PID1: variants seen among roughly 807,000 people sequenced by gnomAD.
PID1 encodes the protein PTB-containing, cubilin and LRP1-interacting protein.
Under a neutral mutation model 19.1 loss-of-function variants are expected in PID1, and 10 were observed. That is an observed-to-expected ratio of 0.52 (90% CI 0.32 to 0.89). The LOEUF (loss-of-function observed/expected upper bound fraction) is 0.89. PID1 is among the 40% of genes least tolerant of loss of function. The probability of loss-of-function intolerance (pLI) is 0.03; values close to 1 mark genes in which losing one functional copy is unlikely to be tolerated. For synonymous variants in PID1, 130 were observed against 116.0 expected, an observed-to-expected ratio of 1.12 and a Z score of -0.78; for missense variants, 248 against 285.3, an observed-to-expected ratio of 0.87 and a Z score of 0.94.
At chr2:229,149,170 C>G (rs1451350909) in intron 2 of PID1, among the ~76,000 whole-genome samples, 3 of 151,516 alleles carry the variant, frequency 2.0e-5, no homozygotes, top group Non-Finnish European at 2.9e-5. Context: ...AAGAAATGCC[C>G]CAAATGGCCA....
At chr2:229,111,826 T>G (rs190419600) in intron 2 of PID1, among the ~76,000 whole-genome samples, 1 of 152,326 alleles carries the variant, frequency 6.6e-6, no homozygotes, top group East Asian at 1.9e-4. Flanking sequence ...TCTCATCATG[T>G]GATAAGTTAA....
intron 2 of PID1, among the ~76,000 whole-genome samples, chr2:229,134,707 G>C (rs6753998): frequency 2.0e-5 from 3 of 152,084 alleles, no homozygotes; most frequent in Non-Finnish European, 4.4e-5. Flanking sequence ...GCATAAAGAT[G>C]AATGCAGAGT....
At chr2:229,043,561 T>C (rs1267110170) in intron 2 of PID1, among the ~76,000 whole-genome samples, 2 of 152,248 alleles carry the variant, frequency 1.3e-5, no homozygotes, top group Non-Finnish European at 2.9e-5. Flanking sequence ...CATTTATTTT[T>C]AGTGAGAGTG....
chr2:229,220,822 C>G (rs949927864), intron 1 of PID1, among the ~76,000 whole-genome samples: 3 of 151,896 alleles, frequency 2.0e-5, no homozygotes, highest in Non-Finnish European at 2.9e-5. Flanking sequence ...AATAAGAAAG[C>G]TATTTAGCTT....
chr2:229,218,910 A>C (rs1346324084), intron 1 of PID1, among the ~76,000 whole-genome samples: 1 of 152,092 alleles, frequency 6.6e-6, no homozygotes, highest in East Asian at 1.9e-4. Context: ...CTTGATCCAT[A>C]CTCCTTTCTT....
intron 2 of PID1, among the ~76,000 whole-genome samples, chr2:229,153,987 T>C (rs946200922): frequency 5.3e-5 from 8 of 152,174 alleles, no homozygotes; most frequent in African/African-American, 1.9e-4. Context: ...TTTGATCTCA[T>C]ATCACTTTCA....
intron 2 of PID1, among the ~76,000 whole-genome samples, chr2:229,028,120 A>G (rs1489431441): frequency 6.6e-6 from 1 of 152,184 alleles, no homozygotes; most frequent in African/African-American, 2.4e-5. Flanking sequence ...AAAACTAACA[A>G]TACAGGGTGA....
chr2:229,069,178 T>TGTGA (rs756406662), intron 2 of PID1, among the ~76,000 whole-genome samples: 4 of 117,632 alleles, frequency 3.4e-5, no homozygotes, highest in East Asian at 2.2e-4. Context: ...TGTGTGTGTG[T>TGTGA]GAGATGAGGG....
intron 1 of PID1, among the ~76,000 whole-genome samples, chr2:229,182,609 C>T (rs966729953): frequency 1.3e-5 from 2 of 152,200 alleles, no homozygotes; most frequent in African/African-American, 2.4e-5. Context: ...CATTCATCTG[C>T]CATCTGTTCC....
chr2:229,032,916 G>A lies in PID1; in HGVS notation c.178-6808C>T, dbSNP rs549520459. Among the ~76,000 whole-genome samples the A allele has an allele frequency of 5.9e-5, 9 of 152,282 alleles. No homozygotes were observed. The South Asian group carries it at 1.9e-3, about 32-fold the overall frequency. ...GTGAAGCCAAGGGACCCGCCAGAGTGTCTGCAGTGTTAACAGCGTCGGATC... is the reference window on the plus strand; with the variant it reads ...GTGAAGCCAAGGGACCCGCCAGAGTATCTGCAGTGTTAACAGCGTCGGATC... On this transcript the variant is annotated intron_variant, in intron 2 of 2. Coordinates refer to ENST00000392055, the MANE Select transcript of PID1 (RefSeq NM_001100818.2).
intron 2 of PID1, among the ~76,000 whole-genome samples, chr2:229,095,871 C>T (rs1694962786): frequency 6.6e-6 from 1 of 152,118 alleles, no homozygotes; most frequent in Admixed American, 6.6e-5. Flanking sequence ...AGTAGATTTT[C>T]TGATAATTAC....
At position 229,025,906 on chromosome 2, in the gene PID1, G is replaced by A. The variant is rs763613380; in HGVS notation, c.380C>T (p.Thr127Ile). 2.5e-6 allele frequency: 4 copies of A among 1,614,108 alleles called. No individual in the cohort carries two copies. In the South Asian group the frequency reaches 3.3e-5, roughly 13 times the overall value. Residue 127 changes from threonine to isoleucine, a missense_variant, in exon 3 of 3, where the codon ACC becomes ATC. Thr to Ile is a moderately conservative substitution (Grantham distance 89, BLOSUM62 -1). Transcript: ENST00000392055. ...GTAGGCGATGCGGGCCACCTGGAAG[G>A]TATCCATGTGCACTGTGGCCTCCCC... ...HKGEATVHMD[T>I]FQVARIAYCT...
At chr2:229,105,580 A>T (rs1291403156) in intron 2 of PID1, among the ~76,000 whole-genome samples, 1 of 152,204 alleles carries the variant, frequency 6.6e-6, no homozygotes, top group African/African-American at 2.4e-5. Flanking sequence ...GAGTACTGTC[A>T]GTTCCCAAGT....
intron 2 of PID1, among the ~76,000 whole-genome samples, chr2:229,154,506 T>G (rs974258174): frequency 6.6e-6 from 1 of 152,206 alleles, no homozygotes; most frequent in African/African-American, 2.4e-5. Flanking sequence ...ACAAAGATGC[T>G]GGTGGGTTTT....
At chr2:229,176,873 C>T (rs1307419307) in intron 1 of PID1, among the ~76,000 whole-genome samples, 3 of 152,184 alleles carry the variant, frequency 2.0e-5, no homozygotes, top group Non-Finnish European at 4.4e-5. Context: ...CCACCTCTTA[C>T]TAGATGCATG....
intron 2 of PID1, among the ~76,000 whole-genome samples, chr2:229,036,219 A>C (rs1185475629): frequency 6.6e-6 from 1 of 152,170 alleles, no homozygotes; most frequent in East Asian, 1.9e-4. Flanking sequence ...AACCCTCAGA[A>C]GGCCAACCCA....
intron 1 of PID1, among the ~76,000 whole-genome samples, chr2:229,259,634 T>C (rs1224584517): frequency 6.6e-6 from 1 of 152,258 alleles, no homozygotes; most frequent in African/African-American, 2.4e-5. Context: ...TCTGGGTTTG[T>C]TGATGTTTTC....
intron 1 of PID1, among the ~76,000 whole-genome samples, chr2:229,224,368 T>C (rs374584852): frequency 1.3e-3 from 197 of 152,320 alleles, no homozygotes; most frequent in African/African-American, 4.1e-3. Flanking sequence ...TCTGAGCCCC[T>C]ACACTGCAAC....
chr2:229,216,195 C>T (rs1691842646), intron 1 of PID1, among the ~76,000 whole-genome samples: 1 of 152,216 alleles, frequency 6.6e-6, no homozygotes, highest in Non-Finnish European at 1.5e-5. Flanking sequence ...ACTACAAAGA[C>T]AGCTTTTTAA....
Sources: gnomAD v4.1 joint callset for allele counts (sites outside exome capture counted in the v4.1 genomes callset) on GRCh38, gnomAD v4.1.1 for gene constraint, MANE v1.5 for transcripts, NCBI Gene and HGNC (gene_info 2026-07-23, HGNC 2026-07-21) for gene names.